TENM2: variants seen among roughly 807,000 people sequenced by gnomAD.
TENM2 encodes teneurin-2.
TENM2 carries 52 observed loss-of-function variants against 245.2 expected under a neutral mutation model. That is an observed-to-expected ratio of 0.21 (90% CI 0.17 to 0.27). TENM2 has a LOEUF of 0.27. Among genes scored for constraint, TENM2 ranks in the 10% least tolerant of loss-of-function variants. TENM2 has a pLI of 1.00. For synonymous variants in TENM2, 1,363 were observed against 1,438.9 expected (o/e 0.95, Z 1.19); for missense variants, 3,046 against 3,666.8 (o/e 0.83, Z 4.37).
chr5:167,753,583 TTC>T (rs1234985214), intron 2 of TENM2, among the ~76,000 whole-genome samples: 1 of 152,254 alleles, frequency 6.6e-6, no homozygotes, highest in East Asian at 1.9e-4. Context: ...TTGATGTTGC[TTC>T]TGTTATTATT....
chr5:167,421,157 C>T (rs1054330658), intron 2 of TENM2, among the ~76,000 whole-genome samples: 1 of 151,922 alleles, frequency 6.6e-6, no homozygotes, highest in African/African-American at 2.4e-5. Flanking sequence ...ATTAACTAAC[C>T]TCATATGGAA....
At chr5:167,371,349 CTTTCT>C (rs1358547726) in intron 1 of TENM2, among the ~76,000 whole-genome samples, 2 of 101,058 alleles carry the variant, frequency 2.0e-5, no homozygotes, top group Non-Finnish European at 4.0e-5. Context: ...TTTTTTTTTT[CTTTCT>C]TTTCTTTTTT....
At chr5:167,174,561 G>A in the TENM2 span, among the ~76,000 whole-genome samples, 1 of 151,832 alleles carries the variant, frequency 6.6e-6, no homozygotes, top group East Asian at 1.9e-4. Flanking sequence ...TCTTTTTATT[G>A]TATATTTAAG....
intron 2 of TENM2, among the ~76,000 whole-genome samples, chr5:167,599,297 TA>T (rs1776442800): frequency 1.3e-5 from 2 of 152,144 alleles, no homozygotes; most frequent in African/African-American, 4.8e-5. Context: ...CCTCTTAAAT[TA>T]GGAACTTCAC....
the TENM2 span, among the ~76,000 whole-genome samples, chr5:167,265,195 T>A: frequency 6.6e-6 from 1 of 151,054 alleles, no homozygotes. Flanking sequence ...TAACCTGGCA[T>A]AGTGGTGGGC....
intron 9 of TENM2, 135 bp from the exon 12 acceptor site, chr5:168,118,157 C>A: frequency 1.7e-6 from 1 of 580,664 alleles, no homozygotes; most frequent in Non-Finnish European, 2.9e-6. Context: ...GGTTCTGCAC[C>A]TGCACAGCCA....
chr5:167,314,936 T>G (rs1756266215), intron 1 of TENM2, among the ~76,000 whole-genome samples: 1 of 152,116 alleles, frequency 6.6e-6, no homozygotes, highest in Non-Finnish European at 1.5e-5. Flanking sequence ...GTCTGCTTTT[T>G]TCAGTTATAC....
the TENM2 span, among the ~76,000 whole-genome samples, chr5:167,084,754 A>C: frequency 6.6e-6 from 1 of 152,202 alleles, no homozygotes; most frequent in South Asian, 2.1e-4. Context: ...GGAAGATCTA[A>C]ATTTGTTTAG....
intron 2 of TENM2, among the ~76,000 whole-genome samples, chr5:167,572,626 T>C (rs1457689119): frequency 6.6e-6 from 1 of 152,168 alleles, no homozygotes; most frequent in Non-Finnish European, 1.5e-5. Context: ...TACATTCTTA[T>C]AAAAGAGGTC....
At chr5:167,797,602 A>C (rs1285390624) in intron 2 of TENM2, among the ~76,000 whole-genome samples, 5 of 152,196 alleles carry the variant, frequency 3.3e-5, no homozygotes, top group Non-Finnish European at 7.3e-5. Flanking sequence ...GGGTAAATAG[A>C]AACCCCTTCA....
chr5:167,166,753 T>A, the TENM2 span, among the ~76,000 whole-genome samples: 6 of 152,318 alleles, frequency 3.9e-5, no homozygotes, highest in South Asian at 6.2e-4. Context: ...TTTTTACTGA[T>A]CTCTAAACAC....
chr5:167,107,721 T>C, the TENM2 span, among the ~76,000 whole-genome samples: 1 of 152,206 alleles, frequency 6.6e-6, no homozygotes, highest in Non-Finnish European at 1.5e-5. Flanking sequence ...ATAGATATTA[T>C]CACTTACATA....
At chr5:168,149,192 C>A (rs1241996888) in intron 12 of TENM2, among the ~76,000 whole-genome samples, 2 of 152,186 alleles carry the variant, frequency 1.3e-5, no homozygotes, top group Non-Finnish European at 2.9e-5. Flanking sequence ...CCTGACCTTG[C>A]AGATAGAGCT....
intron 2 of TENM2, among the ~76,000 whole-genome samples, chr5:167,701,837 CTT>C (rs1582791309): frequency 6.6e-6 from 1 of 152,160 alleles, no homozygotes; most frequent in East Asian, 1.9e-4. Flanking sequence ...TAGTTTCTAA[CTT>C]TTCAGGTGAC....
chr5:167,170,882 A>G, the TENM2 span, among the ~76,000 whole-genome samples: 6 of 143,274 alleles, frequency 4.2e-5, no homozygotes, highest in African/African-American at 1.5e-4. Flanking sequence ...CTCTTTTTCC[A>G]TTTGACTTCT....
At chr5:168,019,253 A>G (rs1187919211) in intron 5 of TENM2, among the ~76,000 whole-genome samples, 5 of 152,216 alleles carry the variant, frequency 3.3e-5, no homozygotes, top group Admixed American at 3.3e-4. Context: ...TTCATGCCAT[A>G]AGAATGTGTA....
the TENM2 span, among the ~76,000 whole-genome samples, chr5:167,157,792 A>G: frequency 0.23 from 35,245 of 152,140 alleles, 5,152 homozygotes; most frequent in African/African-American, 0.4. Flanking sequence ...CAATAGGAAT[A>G]CTTTTTTGTT....
At chr5:168,003,306 A>AAAAC (rs1562038492) in intron 5 of TENM2, among the ~76,000 whole-genome samples, 5 of 90,590 alleles carry the variant, frequency 5.5e-5, no homozygotes, top group East Asian at 1.7e-3. Context: ...TTTAAGAAAA[A>AAAAC]ACACACACAC....
chr5:167,644,347 T>C (rs1779795755), intron 2 of TENM2, among the ~76,000 whole-genome samples: 1 of 152,226 alleles, frequency 6.6e-6, no homozygotes, highest in Non-Finnish European at 1.5e-5. Flanking sequence ...TGTGGCTTTT[T>C]CTCTTTTCCC....
Sources: gnomAD v4.1 joint callset for allele counts (sites outside exome capture counted in the v4.1 genomes callset) on GRCh38, gnomAD v4.1.1 for gene constraint, MANE v1.5 for transcripts, NCBI Gene and HGNC (gene_info 2026-07-23, HGNC 2026-07-21) for gene names.